The following FAM163B variants were observed in gnomAD, a reference collection of about 807,000 sequenced individuals.
FAM163B encodes the protein protein FAM163B.
Under a neutral mutation model 7.6 loss-of-function variants are expected in FAM163B, and 4 were observed. The observed-to-expected ratio is 0.52, with a 90% confidence interval of 0.26 to 1.20. The LOEUF is 1.20. Ranked by LOEUF, FAM163B falls within the 50% of genes most tolerant of loss-of-function variation. The probability of loss-of-function intolerance (pLI) is 0.14; values close to 1 mark genes in which losing one functional copy is unlikely to be tolerated. For missense variants in FAM163B, 250 were observed against 243.0 expected (o/e 1.03, Z -0.19); for synonymous variants, 120 against 111.6 (o/e 1.07, Z -0.47).
At chr9:133,599,685 G>A (rs1831685365) in intron 1 of FAM163B, among the ~76,000 whole-genome samples, 1 of 151,350 alleles carries the variant, frequency 6.6e-6, no homozygotes, top group Admixed American at 6.6e-5. Context: ...ATATGTGTCA[G>A]TGTGCATGTG....
rs1473161049 is a variant in FAM163B, at chr9:133,577,299, G to A, written c.*1723C>T. ...CCACCCCACCCAGCCCACCCCCCAC[G>A]CCAACGCATCAGAAACAGACTTCAC... On this transcript the variant is annotated 3_prime_UTR_variant, in exon 3 of 3. Transcript: ENST00000673969. Among the ~76,000 whole-genome samples the A allele has an allele frequency of 2.8e-5, 2 of 72,016 alleles. No homozygotes were observed. The highest frequency in any genetic ancestry group is 1.7e-4 in the Admixed American group (1 of 6,000). 47.2% of individuals were successfully genotyped at this position (72,016 alleles called of 152,430 possible).
Position 133,579,183 on chromosome 9 carries a change from C to T in FAM163B, c.340G>A (p.Val114Met), listed in dbSNP as rs1207179934. The change falls in exon 3 of 3, where the codon GTG becomes ATG. Residue 114 changes from valine to methionine, a missense_variant. Physicochemically the swap from Val to Met is conservative, Grantham distance 21. Coordinates refer to ENST00000673969, the MANE Select transcript of FAM163B (RefSeq NM_001080515.3). ...LQEPPEEEED[V>M]LNGGERVLYK... ...AGCACGCGCTCCCCGCCGTTCAGCACGTCCTCTTCCTCCTCCGGCGGCTCC... is the reference window on the plus strand; with the variant it reads ...AGCACGCGCTCCCCGCCGTTCAGCATGTCCTCTTCCTCCTCCGGCGGCTCC... 20 of 1,611,810 alleles carry T rather than the reference C, an allele frequency of 1.2e-5. No homozygotes were observed. Among genetic ancestry groups the T allele is most frequent in the African/African-American group, 4.0e-5 (3 of 74,940 alleles).
At chr9:133,591,984 C>T (rs948721722) in intron 1 of FAM163B, among the ~76,000 whole-genome samples, 6 of 152,134 alleles carry the variant, frequency 3.9e-5, no homozygotes, top group African/African-American at 7.2e-5. Flanking sequence ...TGCCGGGCCT[C>T]GCCTTCTCCA....
intron 1 of FAM163B, among the ~76,000 whole-genome samples, chr9:133,584,819 A>G (rs889825367): frequency 1.3e-5 from 2 of 152,242 alleles, no homozygotes; most frequent in African/African-American, 2.4e-5. Context: ...GGTCAGGCCC[A>G]GCAACAGCCT....
At chr9:133,592,380 T>C (rs3025294) in intron 1 of FAM163B, among the ~76,000 whole-genome samples, 78,500 of 152,016 alleles carry the variant, frequency 0.52, 21,018 homozygotes, top group South Asian at 0.7. Flanking sequence ...GAATTGAGCT[T>C]GCCCCTGGGC....
intron 1 of FAM163B, among the ~76,000 whole-genome samples, chr9:133,586,835 A>G (rs1475849200): frequency 6.6e-6 from 1 of 152,266 alleles, no homozygotes; most frequent in African/African-American, 2.4e-5. Context: ...AGGGGTTGTA[A>G]GAACCAGCAT....
At chr9:133,592,032 CCCA>C (rs1169324194) in intron 1 of FAM163B, among the ~76,000 whole-genome samples, 1 of 152,128 alleles carries the variant, frequency 6.6e-6, no homozygotes, top group African/African-American at 2.4e-5. Flanking sequence ...CGCGGCCTGG[CCCA>C]CCCTGCTTGT....
chr9:133,606,812 C>T lies in FAM163B; in HGVS notation c.-24+2265G>A, dbSNP rs1831795733. ...AGAGGTAATTGACTGAGATGTAATA[C>T]ATCTCTCCCCTCCCGAGTGCTGTAA... On this transcript the variant is annotated intron_variant, in intron 1 of 2. Coordinates refer to ENST00000673969, the MANE Select transcript of FAM163B (RefSeq NM_001080515.3). This position sits in a 1 kb window ranked among gnomAD's most constrained non-coding sequence, Gnocchi z 4.0. Among the ~76,000 whole-genome samples, 1 of 152,128 alleles carries T rather than the reference C, an allele frequency of 6.6e-6. No individual in the cohort carries two copies. Among genetic ancestry groups the T allele is most frequent in the Admixed American group, 6.5e-5 (1 of 15,278 alleles).
chr9:133,596,697 G>A (rs927298085), intron 1 of FAM163B, among the ~76,000 whole-genome samples: 1 of 152,224 alleles, frequency 6.6e-6, no homozygotes, highest in African/African-American at 2.4e-5. Context: ...GGAGGTCACA[G>A]GACACAGAAC....
chr9:133,597,949 C>T (rs1831655838), intron 1 of FAM163B, among the ~76,000 whole-genome samples: 1 of 152,204 alleles, frequency 6.6e-6, no homozygotes, highest in African/African-American at 2.4e-5. Context: ...GTCTCCTCTT[C>T]TAGACTTGTC....
intron 1 of FAM163B, among the ~76,000 whole-genome samples, chr9:133,592,550 G>C (rs576793688): frequency 6.6e-6 from 1 of 152,326 alleles, no homozygotes; most frequent in African/African-American, 2.4e-5. Flanking sequence ...GGGCGAAGGG[G>C]TGGGGAGGCT....
intron 1 of FAM163B, among the ~76,000 whole-genome samples, chr9:133,584,342 G>A (rs1451527614): frequency 6.6e-6 from 1 of 152,074 alleles, no homozygotes; most frequent in African/African-American, 2.4e-5. Flanking sequence ...GGTGACCTTG[G>A]GTCAGAGGCC....
intron 1 of FAM163B, among the ~76,000 whole-genome samples, chr9:133,580,859 T>C (rs1447140332): frequency 1.3e-5 from 2 of 152,240 alleles, no homozygotes; most frequent in African/African-American, 4.8e-5. Flanking sequence ...TTTCACACTG[T>C]TGGGCAACTA....
chr9:133,590,359 G>T (rs1355409122), intron 1 of FAM163B, among the ~76,000 whole-genome samples: 1 of 151,880 alleles, frequency 6.6e-6, no homozygotes. Flanking sequence ...GGAGGGCCAG[G>T]CCAGGACTTG....
At chr9:133,593,346 G>A (rs1285739027) in intron 1 of FAM163B, among the ~76,000 whole-genome samples, 1 of 152,096 alleles carries the variant, frequency 6.6e-6, no homozygotes, top group East Asian at 1.9e-4. Context: ...TTAGTTCCCT[G>A]AGTAGCTCCA....
At chr9:133,579,531 G>A in intron 2 of FAM163B, 102 bp from the exon 3 acceptor site, 1 of 1,429,822 alleles carries the variant, frequency 7.0e-7, no homozygotes, top group Non-Finnish European at 9.3e-7. Context: ...TAGGCACGGT[G>A]GGAGTGGGGT....
rs541374587 is a variant in FAM163B at position 133,587,975 on chromosome 9, C to T, written c.-23-7729G>A. 5.0e-3 allele frequency among the ~76,000 whole-genome samples: 514 copies of T among 103,048 alleles called. 5 individuals are homozygous for T. The highest frequency in any genetic ancestry group is 8.0e-3 in the Admixed American group (68 of 8,540). The allele number at this position is 103,048 out of a possible 152,430, so 67.6% of individuals were successfully genotyped here. On this transcript the variant is annotated intron_variant, in intron 1 of 2. Transcript: ENST00000673969. ...GGCGAACGGGGGCGCGAACGGGGGG[C>T]GAGCCTGGGAGGGGAGGGGAGGGGA...
At position 133,609,305 on chromosome 9, in the gene FAM163B, G is replaced by A. The variant is rs2131268744; in HGVS notation, c.-252C>T. ...CGGGCACCCCTGCCAGCTCCGCGCTGCGGCCGCGACTCCGGACGCCCCGGC... is the reference window on the plus strand; with the variant it reads ...CGGGCACCCCTGCCAGCTCCGCGCTACGGCCGCGACTCCGGACGCCCCGGC... On this transcript the variant is annotated 5_prime_UTR_variant, in exon 1 of 3. Transcript: ENST00000673969. Among the ~76,000 whole-genome samples the A allele has an allele frequency of 6.7e-6, 1 of 149,882 alleles. No homozygotes were observed. Among genetic ancestry groups the A allele is most frequent in the Admixed American group, 6.6e-5 (1 of 15,058 alleles).
rs1831275259 is a variant in FAM163B, at chr9:133,577,760, C to T, written c.*1262G>A. On this transcript the variant is annotated 3_prime_UTR_variant, in exon 3 of 3. Coordinates refer to ENST00000673969, the MANE Select transcript of FAM163B (RefSeq NM_001080515.3). ...TTTCTGGGTGAGGAAGAGCTGCCTT[C>T]CTGATGGCTGGTGTCCTGGGATGTG... 1.3e-5 allele frequency among the ~76,000 whole-genome samples: 2 copies of T among 152,276 alleles called. No homozygotes were observed. Among genetic ancestry groups the T allele is most frequent in the South Asian group, 4.2e-4 (2 of 4,816 alleles).
Sources: gnomAD v4.1 joint callset for allele counts (sites outside exome capture counted in the v4.1 genomes callset) on GRCh38, gnomAD v4.1.1 for gene constraint, Gnocchi (gnomAD v3.1) non-coding constraint, MANE v1.5 for transcripts, NCBI Gene and HGNC (gene_info 2026-07-23, HGNC 2026-07-21) for gene names.